The following GALP variants were observed in gnomAD, a reference collection of about 807,000 sequenced individuals.
The protein encoded by GALP is galanin-like peptide.
GALP carries 12 observed loss-of-function variants against 15.2 expected under a neutral mutation model. That is an observed-to-expected ratio of 0.79 (90% CI 0.51 to 1.28). The LOEUF (loss-of-function observed/expected upper bound fraction) is 1.28. Among genes scored for constraint, GALP ranks in the 50% most tolerant of loss-of-function variants. The pLI, the probability that GALP is intolerant of heterozygous loss-of-function variation, is 0.00. For missense variants in GALP, 161 were observed against 145.6 expected (o/e 1.11, Z -0.55); for synonymous variants, 58 against 55.1 (o/e 1.05, Z -0.23).
rs1339340947 is a variant in GALP at position 56,176,081 on chromosome 19, A to C, written c.-40+19A>C. On this transcript the variant is annotated intron_variant, in intron 1 of 5. Coordinates refer to ENST00000357330, the MANE Select transcript of GALP (RefSeq NM_033106.4). The stretch of plus-strand genomic sequence containing the variant: ...CAGCGGGGTGAGAGCCTAGGCCAGG[A>C]GGGCAGAGGGGCGGATCCCAGCTGC... 11 of 166,824 alleles carry C rather than the reference A, an allele frequency of 6.6e-5. No individual in the cohort carries two copies. Among genetic ancestry groups the C allele is most frequent in the African/African-American group, 2.7e-4 (11 of 40,592 alleles). The allele number at this position is 166,824 out of a possible 1,614,324, so 10.3% of individuals were successfully genotyped here.
At position 56,177,040 on chromosome 19, in the gene GALP, G is replaced by A. The variant is rs575840221; in HGVS notation, c.-39-30G>A. On this transcript the variant is annotated intron_variant, in intron 1 of 5. Coordinates refer to ENST00000357330, the MANE Select transcript of GALP (RefSeq NM_033106.4). ...CGGAAATGCACCTGGCCCCCGCTTC[G>A]GAAAATGACTGGCCGCTCTCTCCTT... 3.1e-3 allele frequency: 3,855 copies of A among 1,254,416 alleles called. 9 individuals are homozygous for A. Among genetic ancestry groups the A allele is most frequent in the Non-Finnish European group, 3.9e-3 (3,405 of 877,394 alleles). 77.7% of individuals were successfully genotyped at this position (1,254,416 alleles called of 1,614,324 possible).
chr19:56,183,632 T>C lies in GALP; in HGVS notation c.295+420T>C, dbSNP rs564532990. 1.5e-3 allele frequency among the ~76,000 whole-genome samples: 230 copies of C among 152,286 alleles called. 1 individual carries two copies. The highest frequency in any genetic ancestry group is 5.3e-3 in the African/African-American group (222 of 41,560). The stretch of plus-strand genomic sequence containing the variant: ...ATTTTTTGGGGATGAAGTTTTGCTC[T>C]TGTCGCCCAGGTTGGAGTGCAATGG... On this transcript the variant is annotated intron_variant, in intron 5 of 5. Transcript: ENST00000357330.
intron 5 of GALP, among the ~76,000 whole-genome samples, chr19:56,184,116 C>T (rs1458315278): frequency 6.6e-5 from 10 of 151,690 alleles, no homozygotes; most frequent in East Asian, 3.9e-4. Flanking sequence ...CCACCACATC[C>T]GGCTAATTTT....
chr19:56,181,750 A>C (rs1180530028), intron 3 of GALP, among the ~76,000 whole-genome samples: 1 of 151,998 alleles, frequency 6.6e-6, no homozygotes, highest in Non-Finnish European at 1.5e-5. Context: ...CCATTTCTCC[A>C]GTTGCATCTT....
intron 2 of GALP, among the ~76,000 whole-genome samples, chr19:56,180,167 C>A (rs1014761594): frequency 1.3e-5 from 2 of 152,208 alleles, no homozygotes; most frequent in African/African-American, 2.4e-5. Flanking sequence ...TCTGCTTCGG[C>A]CTCCCCAAAT....
chr19:56,182,836 G>A (rs780943015), intron 4 of GALP, among the ~76,000 whole-genome samples: 7 of 152,160 alleles, frequency 4.6e-5, no homozygotes, highest in South Asian at 2.1e-4. Flanking sequence ...GGGATGAGCC[G>A]TCGCGCCCGG....
At position 56,184,291 on chromosome 19, in the gene GALP, C is replaced by T. The variant is rs373753140; in HGVS notation, c.296-924C>T. Among the ~76,000 whole-genome samples the T allele has an allele frequency of 3.3e-5, 5 of 152,096 alleles. No homozygotes were observed. The South Asian group carries it at 8.3e-4, about 25-fold the overall frequency. ...GTTCACTGCCTAGCACAATGCATGACGCATAGTAGGTACTTGGTAAATATT... is the reference window on the plus strand; with the variant it reads ...GTTCACTGCCTAGCACAATGCATGATGCATAGTAGGTACTTGGTAAATATT... On this transcript the variant is annotated intron_variant, in intron 5 of 5. Coordinates refer to ENST00000357330, the MANE Select transcript of GALP (RefSeq NM_033106.4).
intron 1 of GALP, among the ~76,000 whole-genome samples, chr19:56,176,820 T>C (rs1267345121): frequency 7.5e-6 from 1 of 133,364 alleles, no homozygotes; most frequent in East Asian, 3.6e-4. Flanking sequence ...GGTTTGAAGA[T>C]GGAGTGGTGG....
intron 1 of GALP, among the ~76,000 whole-genome samples, chr19:56,176,408 C>G (rs12979048): frequency 4.4e-4 from 24 of 54,086 alleles, no homozygotes; most frequent in African/African-American, 1.3e-3. Flanking sequence ...CCCAGCTGCA[C>G]CGGGGTGAGA....
At chr19:56,183,253 G>A (rs545390063) in intron 5 of GALP, 41 bp downstream of exon 5, 1 of 1,493,356 alleles carries the variant, frequency 6.7e-7, no homozygotes, top group Non-Finnish European at 9.3e-7. Flanking sequence ...CGACAGGAGA[G>A]GGGGAACAAG....
chr19:56,180,899 CTTTCTTTCTTTCTTTCTTTTTTTTT>C (rs1426986360), intron 3 of GALP, among the ~76,000 whole-genome samples: 1 of 82,610 alleles, frequency 1.2e-5, no homozygotes, highest in African/African-American at 5.4e-5. Flanking sequence ...CTCTTTCTTT[CTTTCTTTCTTTCTTTCTTTTTTTTT>C]TTTTTTTTTT....
rs11414322 is a variant in GALP, at chr19:56,184,484, C to CTTTTTTTTT, written c.296-722_296-714dup. On this transcript the variant is annotated intron_variant, in intron 5 of 5. Coordinates refer to ENST00000357330, the MANE Select transcript of GALP (RefSeq NM_033106.4). ...CAATCCTTTTTTTTCTTTTCTTTTT[C>CTTTTTTTTT]TTTTTTTTTTTTTTTTTGAGACGGA... Among the ~76,000 whole-genome samples, 17 of 117,642 alleles carry CTTTTTTTTT rather than the reference C, an allele frequency of 1.4e-4. No individual in the cohort carries two copies. The East Asian group carries it at 1.5e-3, about 10-fold the overall frequency. The allele number at this position is 117,642 out of a possible 152,430, so 77.2% of individuals were successfully genotyped here. A position where few individuals can be genotyped will look rare whatever the true frequency, so the allele number is the denominator to read the frequency against.
intron 5 of GALP, 99 bp from the exon 6 acceptor site, chr19:56,185,116 C>A: frequency 1.3e-6 from 1 of 769,402 alleles, no homozygotes; most frequent in Non-Finnish European, 2.3e-6. Flanking sequence ...GCCTGGCCAA[C>A]ATGGTGAAAC....
chr19:56,178,426 G>A (rs1426409860), intron 2 of GALP, among the ~76,000 whole-genome samples: 4 of 150,802 alleles, frequency 2.7e-5, no homozygotes, highest in Non-Finnish European at 4.4e-5. Context: ...TGGTGCCAGT[G>A]CACTCCAGCC....
chr19:56,177,060 C>T lies in GALP; in HGVS notation c.-39-10C>T. 1 of 1,440,042 alleles carries T rather than the reference C, an allele frequency of 6.9e-7. No individual in the cohort carries two copies. Among genetic ancestry groups the T allele is most frequent in the Non-Finnish European group, 9.7e-7 (1 of 1,032,776 alleles). The allele number at this position is 1,440,042 out of a possible 1,614,324, so 89.2% of individuals were successfully genotyped here. ...GCTTCGGAAAATGACTGGCCGCTCTCTCCTTGCAGCGTGTTCCGCAGCTGT... is the reference window on the plus strand; with the variant it reads ...GCTTCGGAAAATGACTGGCCGCTCTTTCCTTGCAGCGTGTTCCGCAGCTGT... On this transcript the variant is annotated splice_polypyrimidine_tract_variant and intron_variant, in intron 1 of 5. Coordinates refer to ENST00000357330, the MANE Select transcript of GALP (RefSeq NM_033106.4).
At chr19:56,184,637 C>G (rs2032624821) in intron 5 of GALP, among the ~76,000 whole-genome samples, 1 of 151,884 alleles carries the variant, frequency 6.6e-6, no homozygotes, top group African/African-American at 2.4e-5. Context: ...GTGCCCACCA[C>G]CACGCCTGGC....
chr19:56,185,085 G>A (rs1409021549), intron 5 of GALP, 130 bp from the exon 6 acceptor site: 1 of 621,630 alleles, frequency 1.6e-6, no homozygotes, highest in African/African-American at 1.9e-5. Flanking sequence ...CAGATCACCT[G>A]AGGTCAGGAG....
chr19:56,179,640 CTTT>C (rs369518593), intron 2 of GALP, among the ~76,000 whole-genome samples: 30 of 137,916 alleles, frequency 2.2e-4, no homozygotes, highest in African/African-American at 3.2e-4. Context: ...AAGAGCCTCT[CTTT>C]TTTTTTTTTT....
chr19:56,182,315 T>C (rs2032581100), intron 4 of GALP, 63 bp downstream of exon 4: 2 of 1,259,364 alleles, frequency 1.6e-6, no homozygotes, highest in Non-Finnish European at 2.3e-6. Flanking sequence ...TCTCCTGGCT[T>C]TGGAAACTGG....
Sources: allele counts gnomAD v4.1 joint callset (sites outside exome capture counted in the v4.1 genomes callset), GRCh38; gene constraint gnomAD v4.1.1; transcripts MANE v1.5; gene names NCBI Gene and HGNC (gene_info 2026-07-23, HGNC 2026-07-21).